Variants in STOX2 observed in about 807,000 individuals in gnomAD.
The protein encoded by STOX2 is storkhead box 2.
STOX2 carries 28 observed loss-of-function variants against 60.9 expected under a neutral mutation model. The observed-to-expected ratio is 0.46, with a 90% CI of 0.34 to 0.63. STOX2 has a LOEUF of 0.63. Among genes scored for constraint, STOX2 ranks in the 30% least tolerant of loss-of-function variants. STOX2 has a pLI of 0.01. For missense variants in STOX2, 1,024 were observed against 1,187.7 expected, an observed-to-expected ratio of 0.86 and a Z score of 2.03; for synonymous variants, 472 against 463.9, an observed-to-expected ratio of 1.02 and a Z score of -0.22.
At position 184,011,027 on chromosome 4, in the gene STOX2, C is replaced by T; in HGVS notation, c.2189C>T (p.Thr730Ile). 1 of 1,613,142 alleles carries T rather than the reference C, an allele frequency of 6.2e-7. No individual in the cohort carries two copies. Among genetic ancestry groups the T allele is most frequent in the Non-Finnish European group, 8.5e-7 (1 of 1,179,476 alleles). The change falls in exon 3 of 4, where the codon ACA becomes ATA. Residue 730 changes from threonine to isoleucine, a missense_variant. Transcript: ENST00000308497. This position sits in a 1 kb window ranked among gnomAD's most constrained non-coding sequence, Gnocchi z 4.4. ...TCCCTCCTCAAATCTCACCCGAAGA[C>T]ACCTGCTGACACATTGCCAGGCCGA... ...SLSLLKSHPKTPADTLPGRCE... is the reference protein window; with the variant it reads ...SLSLLKSHPKIPADTLPGRCE...
rs1349633491 is a variant in STOX2, at chr4:183,866,578, C to T, written c.364+68523C>T. Among the ~76,000 whole-genome samples, 8 of 152,308 alleles carry T rather than the reference C, an allele frequency of 5.3e-5. No homozygotes were observed. In the South Asian group the frequency reaches 1.2e-3, roughly 24 times the overall value. On this transcript the variant is annotated intron_variant, in intron 1 of 2. Transcript: ENST00000513034. ...TATTCTCCCAGTTAGATGAGAATTA[C>T]TGAGAATTACTGTGCCAGATCCCGG...
At chr4:183,802,909 C>G (rs1738801207) in intron 1 of STOX2, among the ~76,000 whole-genome samples, 1 of 152,210 alleles carries the variant, frequency 6.6e-6, no homozygotes, top group Admixed American at 6.5e-5. Flanking sequence ...GCGTGAGCCA[C>G]CGCACCCGGC....
intron 1 of STOX2, among the ~76,000 whole-genome samples, chr4:183,914,015 TA>T (rs773153343): frequency 3.3e-5 from 5 of 152,210 alleles, no homozygotes; most frequent in Non-Finnish European, 5.9e-5. Context: ...TAATCCCTAG[TA>T]AAATGGACAT....
intron 1 of STOX2, among the ~76,000 whole-genome samples, chr4:183,861,167 A>G (rs59623562): frequency 0.017 from 2,565 of 152,322 alleles, 79 homozygotes; most frequent in African/African-American, 0.059. Flanking sequence ...AAGAAGTTCA[A>G]AATGACAGGG....
chr4:183,963,296 G>T (rs114794339), intron 1 of STOX2, among the ~76,000 whole-genome samples: 1,997 of 152,154 alleles, frequency 0.013, 48 homozygotes, highest in African/African-American at 0.046. Context: ...ACGTCAAAAA[G>T]TCATATTTGT....
upstream of STOX2, among the ~76,000 whole-genome samples, chr4:183,901,112 CATT>C (rs910129695): frequency 1.3e-5 from 2 of 152,156 alleles, no homozygotes; most frequent in African/African-American, 4.8e-5. Context: ...TCCTTTGTGT[CATT>C]ATGATTTTGA....
At chr4:183,873,259 C>T (rs1283298457) in intron 1 of STOX2, among the ~76,000 whole-genome samples, 1 of 152,016 alleles carries the variant, frequency 6.6e-6, no homozygotes, top group Non-Finnish European at 1.5e-5. Flanking sequence ...ACCAGCCTGA[C>T]CAACATGGAG....
intron 1 of STOX2, among the ~76,000 whole-genome samples, chr4:183,946,329 T>C (rs1002124445): frequency 2.0e-5 from 3 of 152,200 alleles, no homozygotes; most frequent in African/African-American, 7.2e-5. Flanking sequence ...GAGGATTAAA[T>C]GAGCTTATGT....
At chr4:183,984,420 T>G (rs1732767650) in intron 1 of STOX2, among the ~76,000 whole-genome samples, 1 of 152,184 alleles carries the variant, frequency 6.6e-6, no homozygotes, top group South Asian at 2.1e-4. Context: ...CCTCCTCAAG[T>G]ACATTTGAAG....
rs201195283 is a variant in STOX2 at position 184,017,209 on chromosome 4, G to C, written c.2706G>C (p.Ala902=). The change falls in exon 4 of 4, where the codon GCG becomes GCC. Residue 902 remains alanine, a synonymous_variant. Transcript: ENST00000308497. The part of the protein sequence containing the change: ...AGPAFNFRAS[A]EPPTNEAEKL... The stretch of plus-strand genomic sequence containing the variant: ...CAGCCTTCAACTTCCGAGCGAGCGC[G>C]GAGCCCCCGACAAATGAAGCTGAGA... 7.4e-6 allele frequency: 12 copies of C among 1,611,368 alleles called. No individual in the cohort carries two copies. In the African/African-American group the frequency reaches 1.2e-4, roughly 16 times the overall value.
At position 183,818,111 on chromosome 4, in the gene STOX2, T is replaced by C. The variant is rs947567552; in HGVS notation, c.364+20056T>C. 4.9e-4 allele frequency among the ~76,000 whole-genome samples: 75 copies of C among 152,192 alleles called. No homozygotes were observed. The Middle Eastern group carries it at 0.01, about 21-fold the overall frequency. On this transcript the variant is annotated intron_variant, in intron 1 of 2. Transcript: ENST00000513034. ...CTTTTTTTTTTAGTATAATTTTTTT[T>C]TTTAATTGATCATTCTTGGGTGTTT...
At chr4:183,943,802 G>A (rs539852443) in intron 1 of STOX2, among the ~76,000 whole-genome samples, 189 of 152,320 alleles carry the variant, frequency 1.2e-3, no homozygotes, top group African/African-American at 4.3e-3. Flanking sequence ...GCTTGAATCC[G>A]GGAGGCGGAG....
intron 1 of STOX2, among the ~76,000 whole-genome samples, chr4:183,991,960 CAAAGCCCATG>C (rs941761546): frequency 1.3e-5 from 2 of 152,206 alleles, no homozygotes; most frequent in Non-Finnish European, 2.9e-5. Flanking sequence ...GTTTTGACTA[CAAAGCCCATG>C]GCTTTTAACA....
intron 2 of STOX2, among the ~76,000 whole-genome samples, chr4:184,002,383 C>T (rs1733629892): frequency 6.6e-6 from 1 of 152,186 alleles, no homozygotes; most frequent in African/African-American, 2.4e-5. Context: ...TAGAAGAGAT[C>T]TGAGTAAATA....
Position 183,925,125 on chromosome 4 carries a change from G to A in STOX2, c.166+18169G>A, listed in dbSNP as rs1341860657. ...TTTTTCTCCCCGTGTTTTAATCTTC[G>A]AATGAAGCCAGGGCTGATGGGATGT... On this transcript the variant is annotated intron_variant, in intron 1 of 3. Coordinates refer to ENST00000308497, the MANE Select transcript of STOX2 (RefSeq NM_020225.3). Among the ~76,000 whole-genome samples the A allele has an allele frequency of 5.3e-5, 8 of 152,102 alleles. No individual in the cohort carries two copies. The East Asian group carries it at 5.8e-4, about 11-fold the overall frequency.
chr4:183,899,521 T>G (rs1387177003), intron 1 of STOX2, among the ~76,000 whole-genome samples: 2 of 152,062 alleles, frequency 1.3e-5, no homozygotes, highest in Non-Finnish European at 1.5e-5. Context: ...TGGAGAAAAT[T>G]TGAGTGGTCT....
chr4:183,969,720 AG>A (rs1743683118), intron 1 of STOX2, among the ~76,000 whole-genome samples: 1 of 152,110 alleles, frequency 6.6e-6, no homozygotes, highest in Non-Finnish European at 1.5e-5. Flanking sequence ...CCTGGGCTCA[AG>A]TCATCCCTCC....
At position 184,009,599 on chromosome 4, in the gene STOX2, C is replaced by T. The variant is rs115245286; in HGVS notation, c.761C>T (p.Ser254Leu). The T allele has an allele frequency of 3.8e-4, 609 of 1,613,916 alleles. 1 individual carries two copies. The African/African-American group carries it at 7.3e-3, about 19-fold the overall frequency. Residue 254 changes from serine to leucine, a missense_variant, in exon 3 of 4, where the codon TCA (serine) becomes TTA (leucine). Transcript: ENST00000308497. The surrounding 1 kb of genome is among the most constrained non-coding windows in gnomAD (Gnocchi z 4.0). ...VNFSYKTETLSKPKDSEKQSK... is the reference protein window; with the variant it reads ...VNFSYKTETLLKPKDSEKQSK... ...TTTTCCTATAAGACAGAAACTCTCT[C>T]AAAACCTAAAGATAGTGAAAAGCAG...
chr4:183,963,409 A>C (rs1261330583), intron 1 of STOX2, among the ~76,000 whole-genome samples: 2 of 152,186 alleles, frequency 1.3e-5, no homozygotes, highest in Non-Finnish European at 2.9e-5. Flanking sequence ...TCTATTTAAA[A>C]ATGTTATATT....
Sources: gnomAD v4.1 joint callset for allele counts (sites outside exome capture counted in the v4.1 genomes callset) on GRCh38, gnomAD v4.1.1 for gene constraint, Gnocchi (gnomAD v3.1) non-coding constraint, MANE v1.5 for transcripts, NCBI Gene and HGNC (gene_info 2026-07-23, HGNC 2026-07-21) for gene names.